Variants in KRT75 observed in about 807,000 individuals in gnomAD.
KRT75 encodes the protein keratin 75.
In KRT75, 35 loss-of-function variants were observed where a neutral mutation model predicts 48.8. The observed-to-expected ratio is 0.72, with a 90% CI of 0.55 to 0.95. The LOEUF is 0.95. Among genes scored for constraint, KRT75 ranks in the 40% least tolerant of loss-of-function variants. The probability of loss-of-function intolerance (pLI) is 0.00; values close to 1 mark genes in which losing one functional copy is unlikely to be tolerated. For missense variants in KRT75, 776 were observed against 709.9 expected (o/e 1.09, Z -1.06); for synonymous variants, 301 against 282.3 (o/e 1.07, Z -0.66).
chr12:52,424,398 T>G lies in KRT75; in HGVS notation c.*119A>C. The G allele has an allele frequency of 1.0e-6, 1 of 982,510 alleles. No homozygotes were observed. The highest frequency in any genetic ancestry group is 1.6e-6 in the Non-Finnish European group (1 of 607,518). 60.9% of individuals were successfully genotyped at this position (982,510 alleles called of 1,614,324 possible). A position where few individuals can be genotyped will look rare whatever the true frequency, so the allele number is the denominator to read the frequency against. On this transcript the variant is annotated 3_prime_UTR_variant, in exon 9 of 9. Coordinates refer to ENST00000252245, the MANE Select transcript of KRT75 (RefSeq NM_004693.3). The stretch of plus-strand genomic sequence containing the variant: ...GCCTGGGAATGGGTATAGCCAGTAC[T>G]CCAGGCTCCCAGCAGCACAGGTGCA...
Position 52,426,836 on chromosome 12 carries a change from T to G in KRT75, c.1398A>C (p.Gly466=), listed in dbSNP as rs767767749. 6.2e-7 allele frequency: 1 copy of G among 1,614,012 alleles called. No homozygotes were observed. Among genetic ancestry groups the G allele is most frequent in the Non-Finnish European group, 8.5e-7 (1 of 1,179,960 alleles). ...ACTCACAAATGTTAACTGGAGAAAC[T>G]CCCTCTCCACTCAACCTGATTGGGA... ...EGEECRLSGE[G]VSPVNISVVT... Residue 466 remains glycine, a synonymous_variant, in exon 8 of 9, where the codon GGA becomes GGC. Coordinates refer to ENST00000252245, the MANE Select transcript of KRT75 (RefSeq NM_004693.3).
chr12:52,429,022 G>C (rs1940110403), intron 5 of KRT75, among the ~76,000 whole-genome samples: 1 of 152,232 alleles, frequency 6.6e-6, no homozygotes, highest in African/African-American at 2.4e-5. Flanking sequence ...GAAGTGGGAA[G>C]TGGTGGTCAG....
intron 3 of KRT75, 32 bp downstream of exon 3, chr12:52,431,974 C>T: frequency 6.2e-7 from 1 of 1,610,484 alleles, no homozygotes; most frequent in South Asian, 1.1e-5. Context: ...CCATTTTAAA[C>T]CTTCTCCTTT....
chr12:52,433,528 A>G (rs1447437749), intron 1 of KRT75, among the ~76,000 whole-genome samples: 1 of 152,162 alleles, frequency 6.6e-6, no homozygotes, highest in Non-Finnish European at 1.5e-5. Flanking sequence ...GGGTTAGGGT[A>G]GTTTGCTGAG....
chr12:52,432,125 G>A, intron 2 of KRT75, 59 bp from the exon 3 acceptor site: 35 of 1,561,612 alleles, frequency 2.2e-5, no homozygotes, highest in Admixed American at 3.3e-5. Context: ...CTCTTTCCAG[G>A]CTGGTGTAGC....
At chr12:52,428,957 T>C (rs749953826) in intron 5 of KRT75, among the ~76,000 whole-genome samples, 5 of 152,194 alleles carry the variant, frequency 3.3e-5, no homozygotes, top group African/African-American at 1.2e-4. Flanking sequence ...TAAGTGCCCT[T>C]AGGAAATGAA....
Position 52,428,466 on chromosome 12 carries a change from A to G in KRT75, c.1172T>C (p.Leu391Ser). The change falls in exon 7 of 9, where the codon TTG (leucine) becomes TCG (serine). Residue 391 changes from leucine to serine, a missense_variant. Physicochemically the swap from Leu to Ser is moderately radical, Grantham distance 145. Transcript: ENST00000252245. The stretch of plus-strand genomic sequence containing the variant: ...CTCTGCATCAGCAATGGCCGTTTGC[A>G]AGCTGGAACACTGTAAGGACAGGAG... ...IDSVKKQCSSLQTAIADAEQR... is the reference protein window; with the variant it reads ...IDSVKKQCSSSQTAIADAEQR... 1 of 1,613,664 alleles carries G rather than the reference A, an allele frequency of 6.2e-7. No individual in the cohort carries two copies. The highest frequency in any genetic ancestry group is 8.5e-7 in the Non-Finnish European group (1 of 1,179,746).
chr12:52,433,079 T>G lies in KRT75; in HGVS notation c.672A>C (p.Glu224Asp), dbSNP rs1240081858. 2 of 1,613,850 alleles carry G rather than the reference T, an allele frequency of 1.2e-6. No homozygotes were observed. The highest frequency in any genetic ancestry group is 1.7e-5 in the Admixed American group (1 of 59,984). Residue 224 changes from glutamate (E) to aspartate (D), a missense_variant, in exon 2 of 9, where the codon GAA becomes GAC. Coordinates refer to ENST00000252245, the MANE Select transcript of KRT75 (RefSeq NM_004693.3). ...ITTERGRLEAELRNMQDVVED... is the reference protein window; with the variant it reads ...ITTERGRLEADLRNMQDVVED... ...CCACAACATCCTGCATGTTCCTCAG[T>G]TCAGCTTCAAGCCTGCCCCTCTCGG...
intron 5 of KRT75, among the ~76,000 whole-genome samples, chr12:52,429,843 G>A (rs1313428562): frequency 6.6e-6 from 1 of 152,180 alleles, no homozygotes; most frequent in Non-Finnish European, 1.5e-5. Context: ...GATTTGACAG[G>A]GAGCTGGTAT....
At chr12:52,433,775 A>C in intron 1 of KRT75, 32 bp downstream of exon 1, 4 of 1,613,814 alleles carry the variant, frequency 2.5e-6, no homozygotes, top group Non-Finnish European at 3.4e-6. Flanking sequence ...TTTGATCCCA[A>C]ACCCAAGGGG....
intron 5 of KRT75, among the ~76,000 whole-genome samples, chr12:52,429,774 G>A (rs946177867): frequency 3.9e-5 from 6 of 152,228 alleles, no homozygotes; most frequent in Admixed American, 1.3e-4. Flanking sequence ...GGCAACGTAT[G>A]GAGCAGGGAA....
In KRT75 at chr12:52,430,662, A is replaced by G. The variant is rs1446575050; in HGVS notation, c.914T>C (p.Val305Ala). Residue 305 changes from valine to alanine, a missense_variant, in exon 5 of 9, where the codon GTG becomes GCG. By Grantham distance (64) the Val-to-Ala change is moderately conservative. Transcript: ENST00000252245. ...LQTQVGDTSV[V>A]LSMDNNRNLD... ...GTTGCGGTTGTTGTCCATGGACAGC[A>G]CCACGGATGTGTCACCGACCTGGGT... is the stretch of plus-strand genomic sequence containing the variant. The G allele has an allele frequency of 6.2e-7, 1 of 1,614,158 alleles. No homozygotes were observed. The highest frequency in any genetic ancestry group is 8.5e-7 in the Non-Finnish European group (1 of 1,179,996).
Position 52,428,113 on chromosome 12 carries a change from TA to T in KRT75, c.1382+142del, listed in dbSNP as rs201522609. 8.2e-4 allele frequency: 849 copies of T among 1,031,300 alleles called. 7 individuals are homozygous for T. The African/African-American group carries it at 0.012, about 15-fold the overall frequency. The allele number at this position is 1,031,300 out of a possible 1,614,324, so 63.9% of individuals were successfully genotyped here. A position where few individuals can be genotyped will look rare whatever the true frequency, so the allele number is the denominator to read the frequency against. ...TACTAGCCTGGAAGGAAATTAAAAT[TA>T]TTTTTTTGCCATAGCCCAATTCTGA... On this transcript the variant is annotated intron_variant, in intron 7 of 8. Coordinates refer to ENST00000252245, the MANE Select transcript of KRT75 (RefSeq NM_004693.3).
intron 7 of KRT75, 48 bp downstream of exon 7, chr12:52,428,208 A>T (rs664354): frequency 6.2e-7 from 1 of 1,608,620 alleles, no homozygotes; most frequent in Non-Finnish European, 8.5e-7. Flanking sequence ...CAGGAAGCTG[A>T]GGTGAGCTCA....
At position 52,431,591 on chromosome 12, in the gene KRT75, G is replaced by A. The variant is rs1179413377; in HGVS notation, c.822C>T (p.Val274=). ...YMNKVELEAK[V]KSLPEEINFI... ...AGTTGATCTCCTCGGGCAGAGATTTGACCTTGGCTTCCAGCTCCACCTTGT... is the reference window on the plus strand; with the variant it reads ...AGTTGATCTCCTCGGGCAGAGATTTAACCTTGGCTTCCAGCTCCACCTTGT... Residue 274 remains valine (V), a synonymous_variant, in exon 4 of 9, where the codon GTC becomes GTT. Coordinates refer to ENST00000252245, the MANE Select transcript of KRT75 (RefSeq NM_004693.3). The A allele has an allele frequency of 2.5e-6, 4 of 1,614,060 alleles. No individual in the cohort carries two copies. The East Asian group carries it at 8.9e-5, about 36-fold the overall frequency.
At chr12:52,431,779 G>A (rs1428732764) in intron 3 of KRT75, 141 bp from the exon 4 acceptor site, 3 of 788,772 alleles carry the variant, frequency 3.8e-6, no homozygotes, top group Non-Finnish European at 6.4e-6. Flanking sequence ...GTTGGGGATG[G>A]GTAATTACGG....
chr12:52,432,530 C>T (rs1203249129), intron 2 of KRT75, among the ~76,000 whole-genome samples: 1 of 152,156 alleles, frequency 6.6e-6, no homozygotes, highest in Admixed American at 6.5e-5. Context: ...GGCAAGCTGG[C>T]TAATGGGTTA....
chr12:52,427,658 G>A (rs908972104), intron 7 of KRT75, among the ~76,000 whole-genome samples: 4 of 152,178 alleles, frequency 2.6e-5, no homozygotes, highest in Non-Finnish European at 4.4e-5. Context: ...AGCTTTGTGT[G>A]TATTCCCTTA....
At chr12:52,431,758 G>A (rs927145177) in intron 3 of KRT75, 120 bp from the exon 4 acceptor site, 4 of 849,234 alleles carry the variant, frequency 4.7e-6, no homozygotes, top group Non-Finnish European at 5.8e-6. Context: ...TCTGGGTCTG[G>A]GTGATTTGGG....
Sources: allele counts gnomAD v4.1 joint callset (sites outside exome capture counted in the v4.1 genomes callset), GRCh38; gene constraint gnomAD v4.1.1; transcripts MANE v1.5; gene names NCBI Gene and HGNC (gene_info 2026-07-23, HGNC 2026-07-21).